PRIM2: variants seen among roughly 807,000 people sequenced by gnomAD.
PRIM2 encodes the protein DNA primase subunit 2.
PRIM2 carries 39 observed loss-of-function variants against 67.3 expected under a neutral mutation model. That is an observed-to-expected ratio of 0.58 (90% CI 0.45 to 0.76). PRIM2 has a LOEUF of 0.76. Among genes scored for constraint, PRIM2 ranks in the 30% least tolerant of loss-of-function variants. The probability of loss-of-function intolerance (pLI) is 0.00; values close to 1 mark genes in which losing one functional copy is unlikely to be tolerated. For synonymous variants in PRIM2, 143 were observed against 198.7 expected (o/e 0.72, Z 2.36); for missense variants, 398 against 598.7 (o/e 0.66, Z 3.50).
At chr6:57,234,555 G>A in the PRIM2 span, among the ~76,000 whole-genome samples, 8 of 151,842 alleles carry the variant, frequency 5.3e-5, no homozygotes, top group Non-Finnish European at 1.0e-4. Flanking sequence ...ATGGAGTCTC[G>A]CTTTGTTTCC....
intron 10 of PRIM2, among the ~76,000 whole-genome samples, chr6:57,539,713 G>A (rs1469111498): frequency 6.6e-6 from 1 of 151,132 alleles, no homozygotes; most frequent in Non-Finnish European, 1.5e-5. Context: ...ACTACACACA[G>A]CTGGGCAGGT....
the PRIM2 span, among the ~76,000 whole-genome samples, chr6:57,292,989 G>T: frequency 1.3e-5 from 2 of 152,178 alleles, no homozygotes; most frequent in African/African-American, 4.8e-5. Flanking sequence ...ATTGACAAAT[G>T]GGATCTAATT....
chr6:57,459,672 A>T (rs1490119486), intron 7 of PRIM2, among the ~76,000 whole-genome samples: 1 of 152,152 alleles, frequency 6.6e-6, no homozygotes, highest in Non-Finnish European at 1.5e-5. Context: ...CATGCAGGAA[A>T]CTTGGGCAGG....
the PRIM2 span, among the ~76,000 whole-genome samples, chr6:57,293,635 A>T: frequency 6.6e-6 from 1 of 152,236 alleles, no homozygotes; most frequent in Non-Finnish European, 1.5e-5. Context: ...GCACATATAC[A>T]CCATGGAATA....
intron 10 of PRIM2, among the ~76,000 whole-genome samples, chr6:57,570,403 T>A (rs1453072943): frequency 1.3e-5 from 2 of 152,262 alleles, no homozygotes; most frequent in Non-Finnish European, 2.9e-5. Context: ...TTTAATTTCC[T>A]TTTAGAATTA....
At chr6:57,354,567 T>C (rs1768966266) in intron 5 of PRIM2, among the ~76,000 whole-genome samples, 1 of 152,168 alleles carries the variant, frequency 6.6e-6, no homozygotes, top group African/African-American at 2.4e-5. Context: ...AAAATGCTAA[T>C]TAAAGGGTTT....
At chr6:57,565,552 G>A (rs1397690659) in intron 10 of PRIM2, among the ~76,000 whole-genome samples, 1 of 151,918 alleles carries the variant, frequency 6.6e-6, no homozygotes, top group Non-Finnish European at 1.5e-5. Flanking sequence ...TGGTCAGGCA[G>A]ACAGGAGAAT....
intron 7 of PRIM2, among the ~76,000 whole-genome samples, chr6:57,412,219 T>C (rs1771110173): frequency 6.6e-6 from 1 of 152,076 alleles, no homozygotes; most frequent in South Asian, 2.1e-4. Flanking sequence ...TTTCTTAACA[T>C]GCACAAGCAT....
intron 7 of PRIM2, among the ~76,000 whole-genome samples, chr6:57,448,502 G>A (rs573717649): frequency 6.6e-6 from 1 of 152,242 alleles, no homozygotes; most frequent in South Asian, 2.1e-4. Flanking sequence ...CTAAGAAAGT[G>A]CACGCAGGGC....
chr6:57,312,337 CA>C (rs1767406555), upstream of PRIM2, among the ~76,000 whole-genome samples: 2 of 151,806 alleles, frequency 1.3e-5, no homozygotes, highest in South Asian at 2.1e-4. Flanking sequence ...CCCATCTCTA[CA>C]AAAAAATTTA....
intron 5 of PRIM2, among the ~76,000 whole-genome samples, chr6:57,373,687 C>T (rs893505683): frequency 6.6e-6 from 1 of 152,160 alleles, no homozygotes; most frequent in African/African-American, 2.4e-5. Flanking sequence ...CTCACAGCAC[C>T]ATTTATTATA....
At chr6:57,555,411 C>T (rs1775493820) in intron 10 of PRIM2, among the ~76,000 whole-genome samples, 1 of 152,194 alleles carries the variant, frequency 6.6e-6, no homozygotes, top group South Asian at 2.1e-4. Context: ...TCCCAAGTAC[C>T]TGGGACTATA....
the PRIM2 span, among the ~76,000 whole-genome samples, chr6:57,299,010 T>A: frequency 2.6e-4 from 39 of 152,204 alleles, no homozygotes; most frequent in African/African-American, 9.2e-4. Context: ...CCTCTGTACT[T>A]ACTAGCCCTA....
intron 9 of PRIM2, among the ~76,000 whole-genome samples, 187 bp from the exon 10 acceptor site, chr6:57,537,253 T>TA (rs1244074382): frequency 6.6e-6 from 1 of 152,028 alleles, no homozygotes; most frequent in African/African-American, 2.4e-5. Flanking sequence ...TTGTAACCAG[T>TA]AAAAAATGTT....
chr6:57,600,318 T>C (rs1307702364), intron 10 of PRIM2, among the ~76,000 whole-genome samples: 1 of 147,444 alleles, frequency 6.8e-6, no homozygotes, highest in Non-Finnish European at 1.5e-5. Context: ...CTTTGTATAG[T>C]GGAAATCCAG....
chr6:57,291,788 A>C, the PRIM2 span, among the ~76,000 whole-genome samples: 3 of 152,218 alleles, frequency 2.0e-5, no homozygotes, highest in South Asian at 2.1e-4. Context: ...CTTCGATAAA[A>C]TTCAACAGCC....
intron 7 of PRIM2, among the ~76,000 whole-genome samples, chr6:57,388,872 T>G (rs1770234865): frequency 1.3e-5 from 2 of 152,264 alleles, no homozygotes; most frequent in South Asian, 2.1e-4. Context: ...AGTGTCTAAA[T>G]TTTTGGGGAG....
At chr6:57,461,795 T>C (rs1447084041) in intron 7 of PRIM2, among the ~76,000 whole-genome samples, 1 of 152,198 alleles carries the variant, frequency 6.6e-6, no homozygotes, top group Non-Finnish European at 1.5e-5. Context: ...GATCAAAGAA[T>C]ATACCTAGTA....
chr6:57,460,593 G>A (rs1362014422), intron 7 of PRIM2, among the ~76,000 whole-genome samples: 2 of 147,256 alleles, frequency 1.4e-5, no homozygotes, highest in African/African-American at 2.5e-5. Context: ...TGATAGGCCT[G>A]TCTTATGGCT....
Sources: gnomAD v4.1 joint callset for allele counts (sites outside exome capture counted in the v4.1 genomes callset) on GRCh38, gnomAD v4.1.1 for gene constraint, MANE v1.5 for transcripts, NCBI Gene and HGNC (gene_info 2026-07-23, HGNC 2026-07-21) for gene names.